The following FSIP2 variants were observed in gnomAD, a reference collection of about 807,000 sequenced individuals.
FSIP2 encodes the protein fibrous sheath interacting protein 2.
A neutral mutation model predicts 510.5 loss-of-function variants in FSIP2; 367 were observed. The ratio of observed to expected loss-of-function variants is 0.72; its 90% confidence interval spans 0.66 to 0.78. The LOEUF (loss-of-function observed/expected upper bound fraction) is 0.78, where lower values mean the gene tolerates loss of function less well. FSIP2 is among the 30% of genes least tolerant of loss of function. The pLI is 0.00. For synonymous variants in FSIP2, 2,601 were observed against 2,732.2 expected, an observed-to-expected ratio of 0.95 and a Z score of 1.50; for missense variants, 7,594 against 7,901.7, an observed-to-expected ratio of 0.96 and a Z score of 1.48.
At position 185,790,408 on chromosome 2, in the gene FSIP2, T is replaced by C. The variant is rs1212900890; in HGVS notation, c.3272T>C (p.Ile1091Thr). 6.5e-7 allele frequency: 1 copy of C among 1,530,282 alleles called. No individual in the cohort carries two copies. The highest frequency in any genetic ancestry group is 1.4e-5 in the African/African-American group (1 of 72,612). The allele number at this position is 1,530,282 out of a possible 1,614,324, so 94.8% of individuals were successfully genotyped here. Residue 1091 changes from isoleucine (I) to threonine (T), a missense_variant, in exon 16 of 23, where the codon ATT becomes ACT. Coordinates refer to ENST00000424728, the MANE Select transcript of FSIP2 (RefSeq NM_173651.4). ...LKKKLSSNKD[I>T]STFSQDQKHQ... ...AAAAAACTTTCTTCGAATAAAGACA[T>C]TTCAACTTTCAGCCAAGATCAAAAG...
rs1693102588 is a variant in FSIP2 at position 185,790,746 on chromosome 2, A to C, written c.3610A>C (p.Asn1204His). ...SSSVHQISLH[N>H]SDTEHIVKEA... ...ATCAGTTCATCAGATTTCCTTACATAATTCTGACACTGAACACATAGTCAA... is the reference window on the plus strand; with the variant it reads ...ATCAGTTCATCAGATTTCCTTACATCATTCTGACACTGAACACATAGTCAA... The change falls in exon 16 of 23, where the codon AAT becomes CAT. Residue 1204 changes from asparagine (N) to histidine (H), a missense_variant. Transcript: ENST00000424728. 1 of 1,533,412 alleles carries C rather than the reference A, an allele frequency of 6.5e-7. No individual in the cohort carries two copies. Among genetic ancestry groups the C allele is most frequent in the Non-Finnish European group, 8.7e-7 (1 of 1,145,080 alleles). 95.0% of individuals were successfully genotyped at this position (1,533,412 alleles called of 1,614,324 possible).
chr2:185,775,984 A>G lies in FSIP2; in HGVS notation c.1412-6721A>G, dbSNP rs11903497. Among the ~76,000 whole-genome samples the G allele has an allele frequency of 5.8e-3, 885 of 152,250 alleles. 6 individuals carry two copies. Among genetic ancestry groups the G allele is most frequent in the African/African-American group, 0.02 (842 of 41,540 alleles). ...GGCCAGGTTTTTATTTAAAAATTAC[A>G]TTGTGCTGGGTGCAGTGGTTCATGC... On this transcript the variant is annotated intron_variant, in intron 13 of 22. Coordinates refer to ENST00000424728, the MANE Select transcript of FSIP2 (RefSeq NM_173651.4).
In FSIP2 at chr2:185,794,632, G is replaced by C. The variant is rs2161036; in HGVS notation, c.7496G>C (p.Arg2499Thr). 1 of 1,531,096 alleles carries C rather than the reference G, an allele frequency of 6.5e-7. No individual in the cohort carries two copies. The highest frequency in any genetic ancestry group is 2.0e-5 in the Admixed American group (1 of 50,422). The allele number at this position is 1,531,096 out of a possible 1,614,324, so 94.8% of individuals were successfully genotyped here. The stretch of plus-strand genomic sequence containing the variant: ...TTGAATAAGTTGTATCAAAGAGTAA[G>C]GGAAGTCACAGGCCATTTGCCTCCA... ...ELLNKLYQRVREVTGHLPPLN... is the reference protein window; with the variant it reads ...ELLNKLYQRVTEVTGHLPPLN... The change falls in exon 16 of 23, where the codon AGG (arginine) becomes ACG (threonine). Residue 2499 changes from arginine (R) to threonine (T), a missense_variant. By Grantham distance (71) the Arg-to-Thr change is moderately conservative. Transcript: ENST00000424728.
rs576002470 is a variant in FSIP2 at position 185,830,901 on chromosome 2, C to A, written c.20518-912C>A. ...TTGTTATGGGCCTCAGGGATCCATA[C>A]TTTTAAAAAAAGTTTCATGGATAAC... is the stretch of plus-strand genomic sequence containing the variant. On this transcript the variant is annotated intron_variant, in intron 21 of 22. Coordinates refer to ENST00000424728, the MANE Select transcript of FSIP2 (RefSeq NM_173651.4). 2.6e-3 allele frequency among the ~76,000 whole-genome samples: 394 copies of A among 151,930 alleles called. 1 individual carries two copies. The highest frequency in any genetic ancestry group is 4.4e-3 in the Non-Finnish European group (300 of 67,862).
At chr2:185,765,640 T>G (rs1692457001) in intron 13 of FSIP2, 1 of 152,032 alleles carries the variant, frequency 6.6e-6, no homozygotes, top group South Asian at 2.1e-4. Flanking sequence ...CTTTTTTGGT[T>G]CCATATGAAC....
upstream of FSIP2, among the ~76,000 whole-genome samples, chr2:185,737,911 CA>C (rs1444667721): frequency 2.6e-5 from 4 of 152,014 alleles, no homozygotes; most frequent in Admixed American, 1.3e-4. Flanking sequence ...CAGTCTTCCT[CA>C]ATCTTTGAAA....
At position 185,799,785 on chromosome 2, in the gene FSIP2, T is replaced by C. The variant is rs1693382563; in HGVS notation, c.10479T>C (p.Ser3493=). Residue 3493 remains serine, a synonymous_variant, in exon 17 of 23, where the codon TCT becomes TCC. Coordinates refer to ENST00000424728, the MANE Select transcript of FSIP2 (RefSeq NM_173651.4). The stretch of plus-strand genomic sequence containing the variant: ...TCCTAAGAAACATATACGATGATTC[T>C]TCAATTTATCAATGTTGTGAACATC... ...KQFLRNIYDD[S]SIYQCCEHLT... 2.0e-6 allele frequency: 3 copies of C among 1,528,348 alleles called. No homozygotes were observed. The highest frequency in any genetic ancestry group is 1.8e-6 in the Non-Finnish European group (2 of 1,142,614). 94.7% of individuals were successfully genotyped at this position (1,528,348 alleles called of 1,614,324 possible).
intron 3 of FSIP2, among the ~76,000 whole-genome samples, chr2:185,744,027 G>C (rs528919303): frequency 6.6e-6 from 1 of 151,526 alleles, no homozygotes; most frequent in Admixed American, 6.6e-5. Context: ...ATGGGGTCTT[G>C]CTATGTTGCC....
intron 10 of FSIP2, 122 bp downstream of exon 10, chr2:185,761,225 T>C: frequency 2.5e-6 from 1 of 406,274 alleles, no homozygotes; most frequent in Non-Finnish European, 4.3e-6. Context: ...TGAGTTTTAT[T>C]CATGAAACAT....
chr2:185,800,017 A>T lies in FSIP2; in HGVS notation c.10711A>T (p.Asn3571Tyr). The part of the protein sequence containing the change: ...SEIIIKILFN[N>Y]KIIQADIAQK... Reference sequence around the variant, plus strand: ...AATCATTATTAAAATTCTTTTTAATAATAAAATTATACAGGCTGACATTGC... The same window carrying T: ...AATCATTATTAAAATTCTTTTTAATTATAAAATTATACAGGCTGACATTGC... Residue 3571 changes from asparagine (N) to tyrosine (Y), a missense_variant, in exon 17 of 23, where the codon AAT becomes TAT. By Grantham distance (143) the Asn-to-Tyr change is moderately radical. Transcript: ENST00000424728. 6.6e-7 allele frequency: 1 copy of T among 1,519,494 alleles called. No individual in the cohort carries two copies. Among genetic ancestry groups the T allele is most frequent in the Non-Finnish European group, 8.8e-7 (1 of 1,137,002 alleles). 94.1% of individuals were successfully genotyped at this position (1,519,494 alleles called of 1,614,324 possible). A position where few individuals can be genotyped will look rare whatever the true frequency, so the allele number is the denominator to read the frequency against.
rs1447012200 is a variant in FSIP2 at position 185,788,751 on chromosome 2, C to CA, written c.1619dup (p.Asn540LysfsTer2). On this transcript the variant is annotated frameshift_variant, in exon 16 of 23. Coordinates refer to ENST00000424728, the MANE Select transcript of FSIP2 (RefSeq NM_173651.4). LOFTEE classifies it high-confidence loss of function. ...CATCACAAAGTATGAAAAAAGATTGCAAAATAATACATACCCAGTATCTGA... is the reference window on the plus strand; with the variant it reads ...CATCACAAAGTATGAAAAAAGATTGCAAAAATAATACATACCCAGTATCTGA... 1.3e-6 allele frequency: 2 copies of CA among 1,534,048 alleles called. No individual in the cohort carries two copies. Among genetic ancestry groups the CA allele is most frequent in the East Asian group, 4.9e-5 (2 of 40,862 alleles).
intron 13 of FSIP2, among the ~76,000 whole-genome samples, chr2:185,781,957 C>G (rs1270865102): frequency 6.6e-6 from 1 of 152,042 alleles, no homozygotes; most frequent in Non-Finnish European, 1.5e-5. Flanking sequence ...CCTGCCTCAG[C>G]ATCCCCCAGC....
chr2:185,811,533 T>C (rs1693730482), intron 17 of FSIP2, among the ~76,000 whole-genome samples: 1 of 151,778 alleles, frequency 6.6e-6, no homozygotes, highest in South Asian at 2.1e-4. Flanking sequence ...TTTGTTTGTT[T>C]GTTTGTTTGT....
chr2:185,813,025 G>A (rs1490911873), intron 17 of FSIP2, among the ~76,000 whole-genome samples: 1 of 152,020 alleles, frequency 6.6e-6, no homozygotes, highest in African/African-American at 2.4e-5. Flanking sequence ...TTTATATTTT[G>A]AAGAATCTTT....
chr2:185,822,368 G>T (rs1051855647), intron 19 of FSIP2, among the ~76,000 whole-genome samples: 1 of 151,886 alleles, frequency 6.6e-6, no homozygotes, highest in African/African-American at 2.4e-5. Context: ...CAGCAAAGTT[G>T]CCAGACATAA....
At chr2:185,773,274 A>G (rs1692646890) in intron 13 of FSIP2, among the ~76,000 whole-genome samples, 1 of 152,128 alleles carries the variant, frequency 6.6e-6, no homozygotes, top group African/African-American at 2.4e-5. Context: ...TTAAACATAG[A>G]ATTCTTGGTC....
At position 185,799,765 on chromosome 2, in the gene FSIP2, A is replaced by G. The variant is rs1305524162; in HGVS notation, c.10459A>G (p.Arg3487Gly). 12 of 1,515,076 alleles carry G rather than the reference A, an allele frequency of 7.9e-6. No homozygotes were observed. The highest frequency in any genetic ancestry group is 8.8e-6 in the Non-Finnish European group (10 of 1,136,086). 93.9% of individuals were successfully genotyped at this position (1,515,076 alleles called of 1,614,324 possible). ...AAAATATGAATCAAAACAGTTCCTA[A>G]GAAACATATACGATGATTCTTCAAT... ...RKKYESKQFL[R>G]NIYDDSSIYQ... The change falls in exon 17 of 23, where the codon AGA (arginine) becomes GGA (glycine). Residue 3487 changes from arginine to glycine, a missense_variant. Coordinates refer to ENST00000424728, the MANE Select transcript of FSIP2 (RefSeq NM_173651.4).
chr2:185,814,958 A>G (rs907145084), intron 18 of FSIP2, among the ~76,000 whole-genome samples: 1 of 152,030 alleles, frequency 6.6e-6, no homozygotes, highest in Non-Finnish European at 1.5e-5. Flanking sequence ...AGAAGCACAC[A>G]TGAGTTTGCA....
At chr2:185,757,918 T>C (rs1265883911) in intron 9 of FSIP2, among the ~76,000 whole-genome samples, 2 of 151,164 alleles carry the variant, frequency 1.3e-5, no homozygotes, top group East Asian at 3.9e-4. Context: ...TCCAGAAATC[T>C]CCCTCATGCT....
Sources: allele counts gnomAD v4.1 joint callset (sites outside exome capture counted in the v4.1 genomes callset), GRCh38; gene constraint gnomAD v4.1.1; transcripts MANE v1.5; gene names NCBI Gene and HGNC (gene_info 2026-07-23, HGNC 2026-07-21).